The following ARHGAP44 variants were observed in gnomAD, a reference collection of about 807,000 sequenced individuals.
The protein encoded by ARHGAP44 is rho GTPase-activating protein 44.
A neutral mutation model predicts 106.8 loss-of-function variants in ARHGAP44; 43 were observed. The ratio of observed to expected loss-of-function variants is 0.40; its 90% CI spans 0.32 to 0.52. The LOEUF (loss-of-function observed/expected upper bound fraction) is 0.52, where lower values mean the gene tolerates loss of function less well. ARHGAP44 is among the 20% of genes least tolerant of loss of function. ARHGAP44 has a pLI of 0.48. For synonymous variants in ARHGAP44, 439 were observed against 410.3 expected, an observed-to-expected ratio of 1.07 and a Z score of -0.85; for missense variants, 866 against 1,050.5, an observed-to-expected ratio of 0.82 and a Z score of 2.43.
rs974322896 is a variant in ARHGAP44, at chr17:12,991,210, T to G, written c.*1039T>G. ...GGACGAGGGCCGGGAGGGCACCGGG[T>G]AGCCTTTTCACACTTGGGGATTAGG... On this transcript the variant is annotated 3_prime_UTR_variant, in exon 21 of 21. Coordinates refer to ENST00000379672, the MANE Select transcript of ARHGAP44 (RefSeq NM_014859.6). 1.3e-5 allele frequency: 2 copies of G among 152,570 alleles called. No individual in the cohort carries two copies. Among genetic ancestry groups the G allele is most frequent in the Non-Finnish European group, 2.9e-5 (2 of 68,044 alleles). The allele number at this position is 152,570 out of a possible 1,614,324, so 9.5% of individuals were successfully genotyped here.
rs528194982 is a variant in ARHGAP44 at position 12,953,805 on chromosome 17, T to G, written c.1136+1224T>G. Among the ~76,000 whole-genome samples the G allele has an allele frequency of 3.9e-5, 6 of 152,294 alleles. No homozygotes were observed. The South Asian group carries it at 1.0e-3, about 26-fold the overall frequency. On this transcript the variant is annotated intron_variant, in intron 13 of 20. Transcript: ENST00000379672. Reference sequence around the variant, plus strand: ...GAAGTACCTGGAGTGGTCAAACTCATAGAGAAACAAAATGGGATGGTGGTT... The same window carrying G: ...GAAGTACCTGGAGTGGTCAAACTCAGAGAGAAACAAAATGGGATGGTGGTT...
intron 1 of ARHGAP44, among the ~76,000 whole-genome samples, chr17:12,800,340 G>T (rs8082363): frequency 0.2 from 30,075 of 152,094 alleles, 5,311 homozygotes; most frequent in African/African-American, 0.47. Flanking sequence ...GAATCCCCAT[G>T]GTGACTAATA....
At chr17:12,977,020 C>G (rs1246773459) in intron 18 of ARHGAP44, among the ~76,000 whole-genome samples, 1 of 151,698 alleles carries the variant, frequency 6.6e-6, no homozygotes, top group South Asian at 2.1e-4. Context: ...AAAAAGTGCT[C>G]CTTGAAGATG....
chr17:12,976,489 T>C (rs532834639), intron 18 of ARHGAP44, among the ~76,000 whole-genome samples: 50 of 151,470 alleles, frequency 3.3e-4, no homozygotes, highest in African/African-American at 1.2e-3. Flanking sequence ...GGTATATGTC[T>C]ATAGTCCCAG....
At chr17:12,876,257 G>T (rs2036553465) in intron 1 of ARHGAP44, among the ~76,000 whole-genome samples, 1 of 151,978 alleles carries the variant, frequency 6.6e-6, no homozygotes. Context: ...AAACCTGTTC[G>T]GCTTGCTTAC....
chr17:12,963,253 A>G (rs1408450146), intron 16 of ARHGAP44, among the ~76,000 whole-genome samples: 1 of 152,078 alleles, frequency 6.6e-6, no homozygotes, highest in Non-Finnish European at 1.5e-5. Context: ...GAGTTGCTCT[A>G]GTGAGTTACT....
chr17:12,866,779 G>A (rs1161625360), intron 1 of ARHGAP44, among the ~76,000 whole-genome samples: 2 of 152,182 alleles, frequency 1.3e-5, no homozygotes, highest in African/African-American at 4.8e-5. Context: ...ACCCTGGGAA[G>A]GTAAATGTGT....
intron 1 of ARHGAP44, among the ~76,000 whole-genome samples, chr17:12,811,636 T>G (rs774439866): frequency 7.2e-5 from 11 of 152,228 alleles, no homozygotes; most frequent in Non-Finnish European, 1.5e-4. Context: ...TTGTGAAATA[T>G]TCTTTCCTTG....
intron 16 of ARHGAP44, among the ~76,000 whole-genome samples, chr17:12,963,678 A>T (rs77241288): frequency 3.8e-4 from 53 of 140,944 alleles, no homozygotes; most frequent in South Asian, 1.7e-3. Context: ...GTGCCGTGTG[A>T]GCAGACAGGC....
At chr17:12,795,039 T>C (rs1451593019) in intron 1 of ARHGAP44, among the ~76,000 whole-genome samples, 1 of 152,214 alleles carries the variant, frequency 6.6e-6, no homozygotes, top group East Asian at 1.9e-4. Flanking sequence ...TTTGGACTGC[T>C]TTGTTCCTTC....
At chr17:12,808,025 A>T (rs1334497720) in intron 1 of ARHGAP44, among the ~76,000 whole-genome samples, 1 of 152,242 alleles carries the variant, frequency 6.6e-6, no homozygotes, top group Non-Finnish European at 1.5e-5. Flanking sequence ...GGCCTCATGC[A>T]AGTCTGAAAT....
chr17:12,866,338 C>T (rs530428446), intron 1 of ARHGAP44, among the ~76,000 whole-genome samples: 2 of 152,184 alleles, frequency 1.3e-5, no homozygotes, highest in African/African-American at 2.4e-5. Context: ...TATTTTTGAC[C>T]CTAAATGAAT....
In ARHGAP44 at chr17:12,990,449, G is replaced by A; in HGVS notation, c.*278G>A. ...CTTTTGATCCACTTTCAGCCTCCAT[G>A]CCAGAAAACACCCACCTCTCCATCC... On this transcript the variant is annotated 3_prime_UTR_variant, in exon 21 of 21. Transcript: ENST00000379672. The A allele has an allele frequency of 2.6e-6, 1 of 378,312 alleles. No homozygotes were observed. The highest frequency in any genetic ancestry group is 3.0e-5 in the South Asian group (1 of 33,326). The allele number at this position is 378,312 out of a possible 1,614,324, so 23.4% of individuals were successfully genotyped here. A position where few individuals can be genotyped will look rare whatever the true frequency, so the allele number is the denominator to read the frequency against.
intron 1 of ARHGAP44, among the ~76,000 whole-genome samples, chr17:12,878,466 T>C (rs75876706): frequency 6.6e-6 from 1 of 152,128 alleles, no homozygotes; most frequent in East Asian, 1.9e-4. Context: ...ATATGACTTG[T>C]ACCCAGATGT....
intron 1 of ARHGAP44, among the ~76,000 whole-genome samples, chr17:12,830,946 G>C (rs890560333): frequency 4.6e-5 from 7 of 152,194 alleles, no homozygotes; most frequent in Admixed American, 3.9e-4. Flanking sequence ...TGAAAATAAA[G>C]TTGACTTTGT....
At chr17:12,936,008 T>G (rs1346635456) in intron 7 of ARHGAP44, among the ~76,000 whole-genome samples, 4 of 152,232 alleles carry the variant, frequency 2.6e-5, no homozygotes, top group Non-Finnish European at 5.9e-5. Context: ...TTTGAAATGA[T>G]TTTTTAAACA....
intron 3 of ARHGAP44, among the ~76,000 whole-genome samples, chr17:12,906,045 T>C (rs1208503096): frequency 6.6e-6 from 1 of 152,182 alleles, no homozygotes; most frequent in African/African-American, 2.4e-5. Flanking sequence ...ACCCATCAGA[T>C]GCCAATAGCA....
At chr17:12,987,199 C>A in intron 20 of ARHGAP44, 1 of 1,487,894 alleles carries the variant, frequency 6.7e-7, no homozygotes, top group South Asian at 1.2e-5. Flanking sequence ...GCTAGCCAGG[C>A]CAGCTGCCCG....
chr17:12,977,063 C>T (rs2039701770), intron 18 of ARHGAP44, among the ~76,000 whole-genome samples: 2 of 152,112 alleles, frequency 1.3e-5, no homozygotes, highest in Non-Finnish European at 2.9e-5. Flanking sequence ...ATTCCAGGAA[C>T]ATTCTCGGTG....
Sources: allele counts gnomAD v4.1 joint callset (sites outside exome capture counted in the v4.1 genomes callset), GRCh38; gene constraint gnomAD v4.1.1; transcripts MANE v1.5; gene names NCBI Gene and HGNC (gene_info 2026-07-23, HGNC 2026-07-21).